EXOC2: variants seen among roughly 807,000 people sequenced by gnomAD.
EXOC2 encodes SEC5-like 1.
In EXOC2, 70 loss-of-function variants were observed where a neutral mutation model predicts 131.8. The observed-to-expected ratio is 0.53, with a 90% CI of 0.44 to 0.65. EXOC2 has a LOEUF of 0.65. Ranked by LOEUF, EXOC2 falls within the 30% of genes least tolerant of loss-of-function variation. The pLI is 0.00. For synonymous variants in EXOC2, 411 were observed against 398.4 expected (o/e 1.03, Z -0.38); for missense variants, 923 against 1,108.6 (o/e 0.83, Z 2.38).
intron 1 of EXOC2, chr6:655,880 G>A: frequency 2.5e-6 from 1 of 397,344 alleles, no homozygotes; most frequent in Non-Finnish European, 4.5e-6. Context: ...AACTTTGATA[G>A]AATCTTAAGC....
rs745612407 is a variant in EXOC2 at position 629,820 on chromosome 6, C to T, written c.422+15G>A. 3 of 1,609,808 alleles carry T rather than the reference C, an allele frequency of 1.9e-6. No homozygotes were observed. The highest frequency in any genetic ancestry group is 1.1e-5 in the South Asian group (1 of 90,128). On this transcript the variant is annotated intron_variant, in intron 4 of 27. Coordinates refer to ENST00000230449, the MANE Select transcript of EXOC2 (RefSeq NM_018303.6). Reference sequence around the variant, plus strand: ...ACTGAAAAATAAAGAAGACTGAAAGCAAGATGGTACTCACTTTTCAATCTC... The same window carrying T: ...ACTGAAAAATAAAGAAGACTGAAAGTAAGATGGTACTCACTTTTCAATCTC...
At chr6:692,025 G>T (rs1012268928) in intron 1 of EXOC2, among the ~76,000 whole-genome samples, 1 of 152,182 alleles carries the variant, frequency 6.6e-6, no homozygotes, top group African/African-American at 2.4e-5. Flanking sequence ...CAAAGCATGG[G>T]CCAGTACATA....
At chr6:581,113 G>A (rs1348491032) in intron 11 of EXOC2, among the ~76,000 whole-genome samples, 1 of 151,744 alleles carries the variant, frequency 6.6e-6, no homozygotes, top group East Asian at 1.9e-4. Flanking sequence ...GACCAACATG[G>A]TGAAACCCCC....
chr6:610,672 T>A (rs1760668001), intron 6 of EXOC2, among the ~76,000 whole-genome samples: 1 of 152,208 alleles, frequency 6.6e-6, no homozygotes, highest in South Asian at 2.1e-4. Flanking sequence ...CATTGCTGGG[T>A]CCCAAGCATT....
intron 11 of EXOC2, among the ~76,000 whole-genome samples, chr6:590,257 C>G (rs1759466859): frequency 1.3e-5 from 2 of 152,214 alleles, no homozygotes; most frequent in African/African-American, 2.4e-5. Context: ...CCAAAGACTG[C>G]AGACTGTGTG....
At position 538,516 on chromosome 6, in the gene EXOC2, C is replaced by T. The variant is rs569387451; in HGVS notation, c.2239-5906G>A. 2.6e-3 allele frequency among the ~76,000 whole-genome samples: 390 copies of T among 152,244 alleles called. 3 individuals carry two copies. The highest frequency in any genetic ancestry group is 7.4e-3 in the African/African-American group (308 of 41,544). On this transcript the variant is annotated intron_variant, in intron 22 of 27. Coordinates refer to ENST00000230449, the MANE Select transcript of EXOC2 (RefSeq NM_018303.6). ...AAGGAATGCAGTGGTTAAACAGAGACGGAGCGCTAAAGGGTCACTGATGGG... is the reference window on the plus strand; with the variant it reads ...AAGGAATGCAGTGGTTAAACAGAGATGGAGCGCTAAAGGGTCACTGATGGG...
chr6:591,304 C>T (rs77338297), intron 11 of EXOC2, among the ~76,000 whole-genome samples: 3 of 152,142 alleles, frequency 2.0e-5, no homozygotes, highest in Non-Finnish European at 2.9e-5. Context: ...GACTCCCCAT[C>T]GCACTCTGGG....
intron 26 of EXOC2, among the ~76,000 whole-genome samples, chr6:489,272 C>A (rs959051494): frequency 3.7e-4 from 57 of 152,200 alleles, no homozygotes; most frequent in African/African-American, 1.4e-3. Flanking sequence ...AAATGAAACG[C>A]TACTTGAAAA....
In EXOC2 at chr6:486,711, G is replaced by A. The variant is rs773976485; in HGVS notation, c.2735C>T (p.Thr912Ile). Residue 912 changes from threonine (T) to isoleucine (I), a missense_variant, in exon 28 of 28, where the codon ACC becomes ATC. Transcript: ENST00000230449. ...GGTTGAAGAAGCTGCTTGGAAACAG[G>A]TGAGCTGCAAGTGCATGCTACTCTT... ...KFKSSMHLQLTCFQAASSTMM... is the reference protein window; with the variant it reads ...KFKSSMHLQLICFQAASSTMM... 6.2e-7 allele frequency: 1 copy of A among 1,614,168 alleles called. No individual in the cohort carries two copies. The highest frequency in any genetic ancestry group is 8.5e-7 in the Non-Finnish European group (1 of 1,180,014).
intron 22 of EXOC2, among the ~76,000 whole-genome samples, chr6:536,167 T>G (rs964682767): frequency 6.6e-6 from 1 of 152,178 alleles, no homozygotes; most frequent in Non-Finnish European, 1.5e-5. Flanking sequence ...TCCTAGTCCA[T>G]GAGATCTGGC....
chr6:572,707 A>C, intron 12 of EXOC2, 63 bp from the exon 13 acceptor site: 1 of 1,568,592 alleles, frequency 6.4e-7, no homozygotes, highest in Non-Finnish European at 8.6e-7. Context: ...ACCTTTGAGC[A>C]TATTGGCGCA....
intron 1 of EXOC2, among the ~76,000 whole-genome samples, chr6:692,652 C>G (rs1347631977): frequency 6.6e-6 from 1 of 152,270 alleles, no homozygotes; most frequent in Non-Finnish European, 1.5e-5. Flanking sequence ...CGGAGAAATT[C>G]TCAAATCTCA....
chr6:668,282 C>A (rs1185720447), intron 1 of EXOC2, among the ~76,000 whole-genome samples: 1 of 152,210 alleles, frequency 6.6e-6, no homozygotes, highest in Non-Finnish European at 1.5e-5. Flanking sequence ...TCCATCATGT[C>A]TCTCCTACAG....
intron 23 of EXOC2, among the ~76,000 whole-genome samples, chr6:511,500 T>G (rs193273388): frequency 1.3e-5 from 2 of 152,328 alleles, no homozygotes; most frequent in East Asian, 3.9e-4. Flanking sequence ...GAGACTAATT[T>G]TTGAATATGC....
chr6:656,225 C>T, intron 1 of EXOC2: 1 of 1,614,218 alleles, frequency 6.2e-7, no homozygotes, highest in East Asian at 2.2e-5. Context: ...GCTGTCCCTC[C>T]AAAAACTGCA....
Position 656,286 on chromosome 6 carries a change from T to A in EXOC2, c.-43-18425A>T, listed in dbSNP as rs370027929. The A allele has an allele frequency of 6.2e-7, 1 of 1,614,058 alleles. No individual in the cohort carries two copies. The highest frequency in any genetic ancestry group is 1.7e-5 in the Admixed American group (1 of 59,996). ...TTGCACCATGCTCTCCAGGTCTCTGTTTTCAGGCACACCCACAGCCGACTG... is the reference window on the plus strand; with the variant it reads ...TTGCACCATGCTCTCCAGGTCTCTGATTTCAGGCACACCCACAGCCGACTG... On this transcript the variant is annotated intron_variant, in intron 1 of 27. Coordinates refer to ENST00000230449, the MANE Select transcript of EXOC2 (RefSeq NM_018303.6).
At chr6:576,516 T>C (rs555247292) in intron 12 of EXOC2, among the ~76,000 whole-genome samples, 81 of 152,298 alleles carry the variant, frequency 5.3e-4, no homozygotes, top group African/African-American at 1.9e-3. Flanking sequence ...TTGAACTAAA[T>C]ATGTTTAATA....
intron 12 of EXOC2, 64 bp downstream of exon 12, chr6:576,693 G>T: frequency 1.3e-6 from 2 of 1,583,252 alleles, no homozygotes; most frequent in East Asian, 2.3e-5. Flanking sequence ...TCCAAGAGAA[G>T]AATGTTTGAA....
chr6:501,139 TA>T (rs1764045144), intron 23 of EXOC2, among the ~76,000 whole-genome samples: 1 of 9,232 alleles, frequency 1.1e-4, no homozygotes, highest in Non-Finnish European at 2.2e-4. Flanking sequence ...TATATATATC[TA>T]TATATATTAT....
Sources: gnomAD v4.1 joint callset for allele counts (sites outside exome capture counted in the v4.1 genomes callset) on GRCh38, gnomAD v4.1.1 for gene constraint, MANE v1.5 for transcripts, NCBI Gene and HGNC (gene_info 2026-07-23, HGNC 2026-07-21) for gene names.